Variants in NBPF19 observed in about 807,000 individuals in gnomAD.
NBPF19 encodes the protein NBPF member 19, also known as NBPF family member NBPF19.
In NBPF19, 30 loss-of-function variants were observed where a neutral mutation model predicts 45.9. The ratio of observed to expected loss-of-function variants is 0.65; its 90% CI spans 0.49 to 0.89. The LOEUF (loss-of-function observed/expected upper bound fraction) is 0.89, where lower values mean the gene tolerates loss of function less well. Ranked by LOEUF, NBPF19 falls within the 40% of genes least tolerant of loss-of-function variation. The pLI is 0.00. For synonymous variants in NBPF19, 183 were observed against 181.2 expected (o/e 1.01, Z -0.08); for missense variants, 495 against 471.8 (o/e 1.05, Z -0.46).
intron 17 of NBPF19, among the ~76,000 whole-genome samples, chr1:149,494,077 G>T (rs1199264964): frequency 7.8e-6 from 1 of 128,512 alleles, no homozygotes; most frequent in Non-Finnish European, 1.6e-5. Context: ...CGGCCAACTC[G>T]CTGAGCTCAC....
At position 149,554,635 on chromosome 1, in the gene NBPF19, A is replaced by T. The variant is rs1473134473; in HGVS notation, c.11429A>T (p.Glu3810Val). 1.9e-5 allele frequency: 30 copies of T among 1,608,252 alleles called. No homozygotes were observed. Among genetic ancestry groups the T allele is most frequent in the Non-Finnish European group, 2.4e-5 (28 of 1,176,788 alleles). ...AGAAGTGTGTTTTACTCATTTGAGG[A>T]AGAGCATATCAGCTTCGCCCTTTAC... ...HYRSVFYSFE[E>V]EHISFALYLD... Residue 3810 changes from glutamate to valine, a missense_variant, in exon 94 of 94, where the codon GAA becomes GTA. By Grantham distance (121) the Glu-to-Val change is moderately radical. This residue lies in a region of NBPF19 where 248 missense variants were observed against 95.4 expected (regional missense o/e 2.60). Transcript: ENST00000651566.
chr1:149,554,665 A>C lies in NBPF19; in HGVS notation c.11459A>C (p.Asp3820Ala). 1 of 1,608,204 alleles carries C rather than the reference A, an allele frequency of 6.2e-7. No homozygotes were observed. Among genetic ancestry groups the C allele is most frequent in the Non-Finnish European group, 8.5e-7 (1 of 1,176,710 alleles). ...CATATCAGCTTCGCCCTTTACTTGGACAATAGGTTTTTTACTTTGACGGTG... is the reference window on the plus strand; with the variant it reads ...CATATCAGCTTCGCCCTTTACTTGGCCAATAGGTTTTTTACTTTGACGGTG... ...EEHISFALYL[D>A]NRFFTLTVTS... Residue 3820 changes from aspartate to alanine, a missense_variant, in exon 94 of 94, where the codon GAC (aspartate) becomes GCC (alanine). Asp to Ala is a moderately radical substitution (Grantham distance 126). Transcript: ENST00000651566.
In NBPF19 at chr1:149,554,463, G is replaced by T; in HGVS notation, c.11289-32G>T. 7.5e-6 allele frequency: 12 copies of T among 1,607,728 alleles called. 1 individual carries two copies. Among genetic ancestry groups the T allele is most frequent in the African/African-American group, 1.3e-5 (1 of 74,590 alleles). Reference sequence around the variant, plus strand: ...GGCTCTGTGGTGTCTGATTTTCCCTGGCTGCTTCTTTAGTTTTGTCTCCTT... The same window carrying T: ...GGCTCTGTGGTGTCTGATTTTCCCTTGCTGCTTCTTTAGTTTTGTCTCCTT... On this transcript the variant is annotated intron_variant, in intron 93 of 93. Transcript: ENST00000651566.
Position 149,554,723 on chromosome 1 carries a change from C to T in NBPF19, c.11517C>T (p.Val3839=). ...TCCATCTGGTGTTCCAGATGTTAGT[C>T]ATATTCCCACAATAGGCAGCCCTTA... ...TSLHLVFQML[V]IFPQ Residue 3839 remains valine, a synonymous_variant, in exon 94 of 94, where the codon GTC becomes GTT. Coordinates refer to ENST00000651566, the MANE Select transcript of NBPF19 (RefSeq NM_001351365.2). The T allele has an allele frequency of 6.2e-7, 1 of 1,608,150 alleles. No individual in the cohort carries two copies. Among genetic ancestry groups the T allele is most frequent in the Non-Finnish European group, 8.5e-7 (1 of 1,176,644 alleles).
chr1:149,478,534 G>A (rs1296768944), intron 3 of NBPF19, among the ~76,000 whole-genome samples: 10 of 151,190 alleles, frequency 6.6e-5, no homozygotes, highest in African/African-American at 9.7e-5. Flanking sequence ...TTTAGTGGCC[G>A]CAAGATGCAC....
rs1486381292 is a variant in NBPF19, at chr1:149,488,068, G to C, written c.1096G>C (p.Asp366His). Residue 366 changes from aspartate to histidine, a missense_variant, in exon 10 of 94, where the codon GAT becomes CAT. By Grantham distance (81) the Asp-to-His change is moderately conservative. Coordinates refer to ENST00000651566, the MANE Select transcript of NBPF19 (RefSeq NM_001351365.2). Reference sequence around the variant, plus strand: ...GCCTGAAGTCTTGCAGGACTCACTGGATAGATGTTATTCAACTCCTTCAGG... The same window carrying C: ...GCCTGAAGTCTTGCAGGACTCACTGCATAGATGTTATTCAACTCCTTCAGG... ...KGPEVLQDSL[D>H]RCYSTPSGCL... The C allele has an allele frequency of 3.0e-6, 2 of 672,390 alleles. No individual in the cohort carries two copies. The highest frequency in any genetic ancestry group is 5.4e-6 in the Non-Finnish European group (2 of 370,280). 41.7% of individuals were successfully genotyped at this position (672,390 alleles called of 1,614,324 possible). A position where few individuals can be genotyped will look rare whatever the true frequency, so the allele number is the denominator to read the frequency against.
Position 149,488,458 on chromosome 1 carries a change from A to G in NBPF19, c.1213+273A>G, listed in dbSNP as rs1409594776. On this transcript the variant is annotated intron_variant, in intron 10 of 93. Transcript: ENST00000651566. ...GGACCTGGGCAGATGTGACAAATTC[A>G]CACAACTCTGATTTTGTCTCAATTT... is the stretch of plus-strand genomic sequence containing the variant. Among the ~76,000 whole-genome samples the G allele has an allele frequency of 9.8e-5, 13 of 133,302 alleles. No homozygotes were observed. The South Asian group carries it at 1.7e-3, about 17-fold the overall frequency. The allele number at this position is 133,302 out of a possible 152,430, so 87.5% of individuals were successfully genotyped here.
At chr1:149,488,371 C>T (rs1303101495) in intron 10 of NBPF19, among the ~76,000 whole-genome samples, 186 bp downstream of exon 10, 1 of 142,546 alleles carries the variant, frequency 7.0e-6, no homozygotes, top group Non-Finnish European at 1.5e-5. Flanking sequence ...GTTCAGTGAG[C>T]AAGGCTCTCT....
At chr1:149,478,263 A>G (rs1238174905) in intron 3 of NBPF19, among the ~76,000 whole-genome samples, 8 of 151,210 alleles carry the variant, frequency 5.3e-5, no homozygotes, top group Non-Finnish European at 1.2e-4. Flanking sequence ...TCTTTTTCAA[A>G]CAAGTAATTG....
At chr1:149,487,780 T>A (rs1195383675) in intron 9 of NBPF19, among the ~76,000 whole-genome samples, 7 of 56,416 alleles carry the variant, frequency 1.2e-4, no homozygotes, top group East Asian at 8.4e-4. Flanking sequence ...TCGCTCTGTG[T>A]GTGTGTGTGT....
intron 4 of NBPF19, among the ~76,000 whole-genome samples, chr1:149,479,554 G>T (rs2085046633): frequency 6.7e-6 from 1 of 148,468 alleles, no homozygotes; most frequent in Non-Finnish European, 1.5e-5. Context: ...CCAAATATGG[G>T]AACACTTACG....
chr1:149,486,371 C>G (rs1553663430), intron 8 of NBPF19, 78 bp downstream of exon 8: 1 of 650,896 alleles, frequency 1.5e-6, no homozygotes, highest in South Asian at 1.6e-5. Context: ...GCCTTGTGCC[C>G]CTTGTTGGGC....
Position 149,554,824 on chromosome 1 carries a change from T to C in NBPF19, c.*86T>C, listed in dbSNP as rs1365608347. The stretch of plus-strand genomic sequence containing the variant: ...ATTTGAATGAAACTACAGTTCCATT[T>C]GGAAGCCCAGACATAGGATGGGTCA... On this transcript the variant is annotated 3_prime_UTR_variant, in exon 94 of 94. Coordinates refer to ENST00000651566, the MANE Select transcript of NBPF19 (RefSeq NM_001351365.2). The C allele has an allele frequency of 1.1e-3, 1,732 of 1,593,926 alleles. 29 individuals are homozygous for C. The African/African-American group carries it at 0.02, about 18-fold the overall frequency.
intron 2 of NBPF19, among the ~76,000 whole-genome samples, 185 bp from the exon 3 acceptor site, chr1:149,477,760 A>C (rs1428787940): frequency 1.3e-5 from 2 of 151,138 alleles, no homozygotes; most frequent in African/African-American, 4.9e-5. Context: ...TTCGTCTTTA[A>C]ATTTTGGAGG....
rs1274775066 is a variant in NBPF19 at position 149,554,706 on chromosome 1, G to C, written c.11500G>C (p.Val3834Leu). The C allele has an allele frequency of 6.2e-7, 1 of 1,608,134 alleles. No individual in the cohort carries two copies. Among genetic ancestry groups the C allele is most frequent in the Admixed American group, 1.7e-5 (1 of 59,892 alleles). The change falls in exon 94 of 94, where the codon GTG becomes CTG. Residue 3834 changes from valine (V) to leucine (L), a missense_variant. This residue lies in a region of NBPF19 where 248 missense variants were observed against 95.4 expected (regional missense o/e 2.60). Coordinates refer to ENST00000651566, the MANE Select transcript of NBPF19 (RefSeq NM_001351365.2). ...TTTGACGGTGACAAGTCTCCATCTG[G>C]TGTTCCAGATGTTAGTCATATTCCC... ...FTLTVTSLHL[V>L]FQMLVIFPQ is the part of the protein sequence containing the mutation.
chr1:149,478,170 G>A, intron 3 of NBPF19, 123 bp downstream of exon 3: 5 of 789,786 alleles, frequency 6.3e-6, no homozygotes, highest in Non-Finnish European at 1.1e-5. Context: ...TGCCATGACA[G>A]GCTCATGACA....
At chr1:149,520,870 AAC>A (rs2086684419) in intron 51 of NBPF19, among the ~76,000 whole-genome samples, 187 bp downstream of exon 51, 1 of 27,424 alleles carries the variant, frequency 3.6e-5, no homozygotes, top group African/African-American at 1.6e-4. Context: ...ATCATTTACT[AAC>A]GTACCATAGG....
Position 149,491,195 on chromosome 1 carries a change from A to T in NBPF19, c.1547A>T (p.Asp516Val), listed in dbSNP as rs1402541108. ...CCTGAAGTCTTGCAGGACTCACTGG[A>T]TAGATGTTATTCAACTCCTTCCAGT... ...VEPEVLQDSL[D>V]RCYSTPSSCL... Residue 516 changes from aspartate (D) to valine (V), a missense_variant, in exon 14 of 94, where the codon GAT becomes GTT. Asp to Val is a radical substitution (Grantham distance 152, BLOSUM62 -3). Transcript: ENST00000651566. The T allele has an allele frequency of 8.6e-5, 25 of 290,692 alleles. No homozygotes were observed. The highest frequency in any genetic ancestry group is 1.0e-4 in the Non-Finnish European group (18 of 173,318). 18.0% of individuals were successfully genotyped at this position (290,692 alleles called of 1,614,324 possible).
intron 7 of NBPF19, among the ~76,000 whole-genome samples, chr1:149,484,585 C>T (rs1449766876): frequency 7.0e-6 from 1 of 143,820 alleles, no homozygotes; most frequent in Non-Finnish European, 1.5e-5. Flanking sequence ...AATATTGCTC[C>T]CACTCTCTTC....
Sources: allele counts gnomAD v4.1 joint callset (sites outside exome capture counted in the v4.1 genomes callset), GRCh38; gene constraint gnomAD v4.1.1; regional missense constraint gnomAD v4.1.1; transcripts MANE v1.5; gene names NCBI Gene and HGNC (gene_info 2026-07-23, HGNC 2026-07-21).